LRP1B: variants seen among roughly 807,000 people sequenced by gnomAD.
LRP1B encodes the protein low-density lipoprotein receptor-related protein 1B.
In LRP1B, 217 loss-of-function variants were observed where a neutral mutation model predicts 556.6. The observed-to-expected ratio is 0.39, with a 90% CI of 0.35 to 0.44. LRP1B has a LOEUF of 0.44. Ranked by LOEUF, LRP1B falls within the 20% of genes least tolerant of loss-of-function variation. The pLI, the probability that LRP1B is intolerant of heterozygous loss-of-function variation, is 1.00. For missense variants in LRP1B, 5,053 were observed against 5,620.8 expected, an observed-to-expected ratio of 0.90 and a Z score of 3.23; for synonymous variants, 2,047 against 1,865.8, an observed-to-expected ratio of 1.10 and a Z score of -2.50.
intron 3 of LRP1B, among the ~76,000 whole-genome samples, chr2:141,290,549 T>C (rs1479513001): frequency 3.3e-5 from 5 of 152,268 alleles, no homozygotes; most frequent in African/African-American, 9.6e-5. Flanking sequence ...TAAAGTTAAA[T>C]ACAAGTCTGA....
chr2:140,598,727 A>T lies in LRP1B; in HGVS notation c.7098T>A (p.Asn2366Lys), dbSNP rs777504850. The T allele has an allele frequency of 8.1e-6, 13 of 1,613,486 alleles. No individual in the cohort carries two copies. Among genetic ancestry groups the T allele is most frequent in the Admixed American group, 3.3e-5 (2 of 59,970 alleles). The change falls in exon 43 of 91, where the codon AAT (asparagine) becomes AAA (lysine). Residue 2366 changes from asparagine (N) to lysine (K), a missense_variant. This residue lies in a region of LRP1B where 3,619 missense variants were observed against 3,931.9 expected (regional missense o/e 0.92). Transcript: ENST00000389484. Reference protein sequence around the residue: ...VVVSTDILTPNGLTIDYRAEK... With the variant: ...VVVSTDILTPKGLTIDYRAEK... ...CTGCACGGTAGTCGATAGTAAGTCC[A>T]TTTGGAGTGAGTATGTCTGTACTGA...
intron 41 of LRP1B, among the ~76,000 whole-genome samples, chr2:140,670,622 A>T (rs1028566432): frequency 2.6e-5 from 4 of 152,214 alleles, no homozygotes; most frequent in African/African-American, 9.6e-5. Context: ...AGGGTAAAAC[A>T]TAGGTTCTCT....
chr2:140,316,768 TTGTA>T (rs1684537149), intron 82 of LRP1B, among the ~76,000 whole-genome samples: 1 of 152,132 alleles, frequency 6.6e-6, no homozygotes, highest in African/African-American at 2.4e-5. Context: ...TTGTAACACT[TTGTA>T]AATATTAAGT....
chr2:140,813,614 C>T (rs762109900), intron 32 of LRP1B, 43 bp downstream of exon 32: 1 of 1,588,692 alleles, frequency 6.3e-7, no homozygotes, highest in South Asian at 1.1e-5. Flanking sequence ...AATCAACCCC[C>T]AATCAATACA....
chr2:141,707,775 T>A (rs1378060617), intron 2 of LRP1B, among the ~76,000 whole-genome samples: 1 of 152,116 alleles, frequency 6.6e-6, no homozygotes, highest in Non-Finnish European at 1.5e-5. Flanking sequence ...ATGACTGCAA[T>A]AAAAGAGGCA....
chr2:141,975,683 T>A (rs892943272), intron 1 of LRP1B, among the ~76,000 whole-genome samples: 1 of 152,148 alleles, frequency 6.6e-6, no homozygotes, highest in African/African-American at 2.4e-5. Flanking sequence ...GTCTGATGCC[T>A]GCAAGTGACC....
At chr2:141,730,727 G>GT (rs1023369587) in intron 2 of LRP1B, among the ~76,000 whole-genome samples, 91 of 152,280 alleles carry the variant, frequency 6.0e-4, no homozygotes, top group African/African-American at 2.1e-3. Context: ...AAATTATGCA[G>GT]TTTTTTGATT....
At position 140,621,316 on chromosome 2, in the gene LRP1B, C is replaced by T. The variant is rs995229624; in HGVS notation, c.6800-19677G>A. 3.5e-5 allele frequency among the ~76,000 whole-genome samples: 5 copies of T among 143,010 alleles called. No individual in the cohort carries two copies. The East Asian group carries it at 8.2e-4, about 24-fold the overall frequency. The allele number at this position is 143,010 out of a possible 152,430, so 93.8% of individuals were successfully genotyped here. A position where few individuals can be genotyped will look rare whatever the true frequency, so the allele number is the denominator to read the frequency against. On this transcript the variant is annotated intron_variant, in intron 41 of 90. Coordinates refer to ENST00000389484, the MANE Select transcript of LRP1B (RefSeq NM_018557.3). Reference sequence around the variant, plus strand: ...CAGGAGCATGGCATGAACTCAGGAGCAGAGGTTGCGGTGAGCTGAGATAGC... The same window carrying T: ...CAGGAGCATGGCATGAACTCAGGAGTAGAGGTTGCGGTGAGCTGAGATAGC...
intron 7 of LRP1B, among the ~76,000 whole-genome samples, chr2:141,091,644 C>T (rs1558854452): frequency 6.6e-6 from 1 of 152,104 alleles, no homozygotes; most frequent in Non-Finnish European, 1.5e-5. Flanking sequence ...TGGGTCCTGC[C>T]TTGGGCCCTG....
At chr2:140,660,745 A>C (rs1384667569) in intron 41 of LRP1B, among the ~76,000 whole-genome samples, 1 of 152,154 alleles carries the variant, frequency 6.6e-6, no homozygotes, top group Non-Finnish European at 1.5e-5. Context: ...CTTTCAAAGA[A>C]AGGTACACCA....
At chr2:142,060,515 T>G (rs748804011) in intron 1 of LRP1B, among the ~76,000 whole-genome samples, 1 of 152,198 alleles carries the variant, frequency 6.6e-6, no homozygotes, top group South Asian at 2.1e-4. Context: ...TCAAAGATGT[T>G]TAAGACCTGG....
chr2:141,664,327 T>C lies in LRP1B; in HGVS notation c.205+145952A>G, dbSNP rs1690340852. 2.6e-5 allele frequency among the ~76,000 whole-genome samples: 4 copies of C among 152,162 alleles called. No homozygotes were observed. The South Asian group carries it at 8.3e-4, about 31-fold the overall frequency. ...CAAGGATGCCCTCTCTGACCACTCT[T>C]ATTCAACATAGTATTAGAAGTTCCG... is the stretch of plus-strand genomic sequence containing the variant. On this transcript the variant is annotated intron_variant, in intron 2 of 90. Coordinates refer to ENST00000389484, the MANE Select transcript of LRP1B (RefSeq NM_018557.3).
chr2:141,612,693 G>T (rs1688148155), intron 2 of LRP1B, among the ~76,000 whole-genome samples: 1 of 152,116 alleles, frequency 6.6e-6, no homozygotes, highest in African/African-American at 2.4e-5. Flanking sequence ...TAATGCCATA[G>T]GCAACCACTG....
chr2:140,788,931 T>A (rs1690008928), intron 32 of LRP1B, among the ~76,000 whole-genome samples: 1 of 152,168 alleles, frequency 6.6e-6, no homozygotes, highest in Non-Finnish European at 1.5e-5. Flanking sequence ...GAAAAGACTG[T>A]GAGGACACAA....
chr2:141,477,627 T>C (rs1321389059), intron 3 of LRP1B, among the ~76,000 whole-genome samples: 1 of 152,188 alleles, frequency 6.6e-6, no homozygotes, highest in African/African-American at 2.4e-5. Context: ...GAGGAAACTT[T>C]ACAAGACCAA....
chr2:141,248,540 G>A (rs1220504451), intron 4 of LRP1B, among the ~76,000 whole-genome samples: 1 of 152,110 alleles, frequency 6.6e-6, no homozygotes, highest in Non-Finnish European at 1.5e-5. Context: ...AATGGCATGC[G>A]AACGGTATTG....
At chr2:141,970,489 T>C (rs1701696402) in intron 1 of LRP1B, among the ~76,000 whole-genome samples, 1 of 151,506 alleles carries the variant, frequency 6.6e-6, no homozygotes. Flanking sequence ...GTTACAGGAA[T>C]ATCACAATTC....
At chr2:140,394,469 C>G (rs1027719952) in intron 66 of LRP1B, among the ~76,000 whole-genome samples, 6 of 152,140 alleles carry the variant, frequency 3.9e-5, no homozygotes, top group African/African-American at 1.4e-4. Flanking sequence ...TCTTTCTGCT[C>G]CACCATCCAT....
chr2:141,681,031 G>A (rs1049441055), intron 2 of LRP1B, among the ~76,000 whole-genome samples: 3 of 152,066 alleles, frequency 2.0e-5, no homozygotes, highest in Admixed American at 2.0e-4. Flanking sequence ...AGTGGCTCAT[G>A]CTTGTAATTC....
Sources: allele counts gnomAD v4.1 joint callset (sites outside exome capture counted in the v4.1 genomes callset), GRCh38; gene constraint gnomAD v4.1.1; regional missense constraint gnomAD v4.1.1; transcripts MANE v1.5; gene names NCBI Gene and HGNC (gene_info 2026-07-23, HGNC 2026-07-21).